VCL: variants seen among roughly 807,000 people sequenced by gnomAD.
The protein encoded by VCL is vinculin, also known as epididymis luminal protein 114.
In VCL, 47 loss-of-function variants were observed where a neutral mutation model predicts 125.7. The observed-to-expected ratio is 0.37, with a 90% confidence interval of 0.30 to 0.48. VCL has a LOEUF of 0.48. VCL is among the 20% of genes least tolerant of loss of function. The pLI, the probability that VCL is intolerant of heterozygous loss-of-function variation, is 0.99. For synonymous variants in VCL, 458 were observed against 514.6 expected, an observed-to-expected ratio of 0.89 and a Z score of 1.49; for missense variants, 1,069 against 1,455.5, an observed-to-expected ratio of 0.73 and a Z score of 4.32.
chr10:74,051,779 G>C (rs1841303714), intron 2 of VCL, among the ~76,000 whole-genome samples: 1 of 152,186 alleles, frequency 6.6e-6, no homozygotes, highest in Non-Finnish European at 1.5e-5. Flanking sequence ...TTATGTTGCA[G>C]GACAGGCAAA....
intron 6 of VCL, among the ~76,000 whole-genome samples, chr10:74,079,994 A>G (rs1264176222): frequency 6.6e-6 from 1 of 152,184 alleles, no homozygotes; most frequent in Admixed American, 6.5e-5. Context: ...CACACCTCCC[A>G]CTGAGCAGTA....
chr10:74,094,127 A>T, intron 10 of VCL, 144 bp from the exon 11 acceptor site: 1 of 950,046 alleles, frequency 1.1e-6, no homozygotes, highest in Non-Finnish European at 1.6e-6. Context: ...TGTAAGGGCC[A>T]AATAAATAAA....
At chr10:74,086,744 G>T (rs909638582) in intron 8 of VCL, among the ~76,000 whole-genome samples, 4 of 152,194 alleles carry the variant, frequency 2.6e-5, no homozygotes, top group African/African-American at 9.7e-5. Flanking sequence ...CTATGGTCCT[G>T]CTTCACAGTG....
At chr10:74,120,398 A>C (rs1056095720), downstream of VCL, 1 of 152,264 alleles carries the variant, frequency 6.6e-6, no homozygotes, top group African/African-American at 2.4e-5. Flanking sequence ...GGCAAAGGTT[A>C]ACAGGCAGAA....
chr10:74,111,856 A>G, intron 18 of VCL, 53 bp from the exon 19 acceptor site: 2 of 1,607,254 alleles, frequency 1.2e-6, no homozygotes, highest in African/African-American at 1.3e-5. Flanking sequence ...CCCAAGTCGT[A>G]TTGCTCTTAC....
At chr10:74,109,814 A>G (rs1393355236) in intron 18 of VCL, among the ~76,000 whole-genome samples, 2 of 152,218 alleles carry the variant, frequency 1.3e-5, no homozygotes, top group African/African-American at 4.8e-5. Context: ...TAGCTTTTCT[A>G]GATAAGAGGA....
rs1478915437 is a variant in VCL, at chr10:74,074,786, C to G, written c.666C>G (p.Gly222=). ...FVTTKNSKNQ[G]IEEALKNRNF... ...CAACTAAAAACTCAAAAAACCAAGG[C>G]ATAGAGGAAGCTTTAAAAAATCGCA... The change falls in exon 6 of 22, where the codon GGC becomes GGG. Residue 222 remains glycine, a synonymous_variant. Transcript: ENST00000211998. The G allele has an allele frequency of 2.5e-6, 4 of 1,613,974 alleles. No individual in the cohort carries two copies. The South Asian group carries it at 4.4e-5, about 18-fold the overall frequency.
chr10:74,013,837 A>ATTTTAT (rs1351455634), intron 1 of VCL, among the ~76,000 whole-genome samples: 1 of 152,236 alleles, frequency 6.6e-6, no homozygotes, highest in African/African-American at 2.4e-5. Flanking sequence ...TTTTATCATT[A>ATTTTAT]CTATATTTTC....
rs535821229 is a variant in VCL at position 74,052,052 on chromosome 10, C to G, written c.239+8899C>G. 2.7e-4 allele frequency among the ~76,000 whole-genome samples: 41 copies of G among 152,188 alleles called. 1 individual carries two copies. In the South Asian group the frequency reaches 8.3e-3, roughly 31 times the overall value. On this transcript the variant is annotated intron_variant, in intron 2 of 21. Transcript: ENST00000211998. ...TAAGGGGTGATTTGTGCAGAAATTT[C>G]TAGAATGCAAGTGGTGGCTACTAGG...
intron 2 of VCL, among the ~76,000 whole-genome samples, chr10:74,065,098 C>G (rs1841545709): frequency 6.7e-6 from 1 of 150,206 alleles, no homozygotes; most frequent in African/African-American, 2.4e-5. Flanking sequence ...AAGAAAAATG[C>G]AGGGCTGGGC....
In VCL at chr10:74,043,300, T is replaced by A. The variant is rs1358004283; in HGVS notation, c.239+147T>A. The A allele has an allele frequency of 3.2e-5, 24 of 748,952 alleles. 1 individual carries two copies. Among genetic ancestry groups the A allele is most frequent in the South Asian group, 1.3e-4 (8 of 59,772 alleles). 46.4% of individuals were successfully genotyped at this position (748,952 alleles called of 1,614,324 possible). ...CAACTTTTTTGTCTTCTAACTTTTT[T>A]AAAAAAACTGTTCATTTTAGTTTTT... On this transcript the variant is annotated intron_variant, in intron 2 of 21. Coordinates refer to ENST00000211998, the MANE Select transcript of VCL (RefSeq NM_014000.3).
chr10:74,007,755 C>G (rs1046161223), intron 1 of VCL, among the ~76,000 whole-genome samples: 2 of 152,072 alleles, frequency 1.3e-5, no homozygotes, highest in African/African-American at 2.4e-5. Flanking sequence ...CTTGGCCTCC[C>G]GAAGTACTGG....
At chr10:74,003,194 T>C (rs1840262646) in intron 1 of VCL, among the ~76,000 whole-genome samples, 1 of 151,954 alleles carries the variant, frequency 6.6e-6, no homozygotes, top group Non-Finnish European at 1.5e-5. Context: ...TGCCTCAGCC[T>C]CCCAGGTAGC....
intron 10 of VCL, among the ~76,000 whole-genome samples, chr10:74,093,394 G>C (rs1380999996): frequency 6.6e-6 from 1 of 152,182 alleles, no homozygotes; most frequent in Non-Finnish European, 1.5e-5. Flanking sequence ...CATTGGGCAA[G>C]TTATCCAACC....
At chr10:74,017,134 G>A (rs1395726078) in intron 1 of VCL, among the ~76,000 whole-genome samples, 7 of 138,248 alleles carry the variant, frequency 5.1e-5, no homozygotes, top group South Asian at 2.3e-4. Context: ...TGCAAGCTCC[G>A]CCTCCCGGGT....
chr10:74,020,589 C>T (rs1840641224), intron 1 of VCL, among the ~76,000 whole-genome samples: 1 of 151,960 alleles, frequency 6.6e-6, no homozygotes, highest in Non-Finnish European at 1.5e-5. Context: ...GCCTGTAATC[C>T]CAACACCTTG....
chr10:74,051,153 G>A (rs750206092), intron 2 of VCL, among the ~76,000 whole-genome samples: 34 of 151,582 alleles, frequency 2.2e-4, no homozygotes, highest in Non-Finnish European at 3.2e-4. Flanking sequence ...TGGCCAGGCT[G>A]GTCTCGAACT....
intron 1 of VCL, among the ~76,000 whole-genome samples, chr10:74,031,552 CCTT>C (rs1410069235): frequency 6.6e-6 from 1 of 152,034 alleles, no homozygotes; most frequent in African/African-American, 2.4e-5. Flanking sequence ...TTAGATGAAG[CCTT>C]CTTAAGTGTT....
chr10:74,015,272 G>A (rs1840515572), intron 1 of VCL, among the ~76,000 whole-genome samples: 1 of 152,096 alleles, frequency 6.6e-6, no homozygotes, highest in Admixed American at 6.5e-5. Flanking sequence ...ACAATTTTTG[G>A]CCAGGCCCTG....
Sources: gnomAD v4.1 joint callset for allele counts (sites outside exome capture counted in the v4.1 genomes callset) on GRCh38, gnomAD v4.1.1 for gene constraint, MANE v1.5 for transcripts, NCBI Gene and HGNC (gene_info 2026-07-23, HGNC 2026-07-21) for gene names.